Variants in SPON1 observed in about 807,000 individuals in gnomAD.
The protein encoded by SPON1 is spondin-1.
SPON1 carries 52 observed loss-of-function variants against 111.7 expected under a neutral mutation model. The ratio of observed to expected loss-of-function variants is 0.47; its 90% CI spans 0.37 to 0.59. The LOEUF is 0.59. SPON1 is among the 20% of genes least tolerant of loss of function. SPON1 has a pLI of 0.00. For missense variants in SPON1, 957 were observed against 1,068.5 expected, an observed-to-expected ratio of 0.90 and a Z score of 1.46; for synonymous variants, 410 against 395.8, an observed-to-expected ratio of 1.04 and a Z score of -0.43.
intron 2 of SPON1, among the ~76,000 whole-genome samples, chr11:14,035,321 G>A (rs1171755666): frequency 1.1e-3 from 160 of 152,310 alleles, no homozygotes; most frequent in African/African-American, 3.6e-3. Flanking sequence ...CTTTGGACAG[G>A]TTGTTGAACC....
intron 3 of SPON1, among the ~76,000 whole-genome samples, chr11:14,050,053 G>A (rs1848697132): frequency 6.6e-6 from 1 of 152,168 alleles, no homozygotes; most frequent in Admixed American, 6.5e-5. Context: ...GCAGGACTGG[G>A]TTTCATGTAA....
At chr11:14,169,829 G>A (rs1371042991) in intron 6 of SPON1, among the ~76,000 whole-genome samples, 1 of 152,020 alleles carries the variant, frequency 6.6e-6, no homozygotes, top group Admixed American at 6.6e-5. Flanking sequence ...TATTTCTGAG[G>A]GCTCTGTTCT....
At chr11:14,051,262 T>C (rs1848705259) in intron 3 of SPON1, among the ~76,000 whole-genome samples, 1 of 152,090 alleles carries the variant, frequency 6.6e-6, no homozygotes, top group Admixed American at 6.5e-5. Flanking sequence ...GGGAGAGATG[T>C]GGTGGCTCAC....
At chr11:14,017,113 G>A (rs1440910552) in intron 2 of SPON1, among the ~76,000 whole-genome samples, 4 of 152,172 alleles carry the variant, frequency 2.6e-5, no homozygotes, top group South Asian at 2.1e-4. Flanking sequence ...CTATGTTGGT[G>A]AGAAATTTAA....
chr11:14,036,298 G>T (rs1321587753), intron 2 of SPON1, among the ~76,000 whole-genome samples: 1 of 152,216 alleles, frequency 6.6e-6, no homozygotes, highest in Non-Finnish European at 1.5e-5. Flanking sequence ...CAGTTAGAAT[G>T]ATGTTACATT....
chr11:14,068,997 C>A (rs1415486217), intron 3 of SPON1, among the ~76,000 whole-genome samples: 5 of 152,168 alleles, frequency 3.3e-5, no homozygotes, highest in Non-Finnish European at 7.3e-5. Flanking sequence ...AAAGTGTCAC[C>A]ATTGGGAGAA....
In SPON1 at chr11:14,260,598, A is replaced by G. The variant is rs1409079897; in HGVS notation, c.1842A>G (p.Pro614=). The change falls in exon 14 of 16, where the codon CCA becomes CCG. Residue 614 remains proline (P), a synonymous_variant. Coordinates refer to ENST00000576479, the MANE Select transcript of SPON1 (RefSeq NM_006108.4). The part of the protein sequence containing the change: ...KCMMPECHTI[P]CLLSPWSEWS... ...TGGTTCTTGATCTAGACACCATCCC[A>G]TGCTTGCTGTCCCCATGGTCCGAGT... is the stretch of plus-strand genomic sequence containing the variant. The G allele has an allele frequency of 2.5e-6, 4 of 1,613,480 alleles. No individual in the cohort carries two copies. Among genetic ancestry groups the G allele is most frequent in the East Asian group, 2.2e-5 (1 of 44,884 alleles).
At chr11:14,231,119 T>C in intron 6 of SPON1, among the ~76,000 whole-genome samples, 1 of 150,356 alleles carries the variant, frequency 6.7e-6, no homozygotes, top group Non-Finnish European at 1.5e-5. Context: ...AGCCGCCACT[T>C]TTTTTCTTTT....
Position 14,254,675 on chromosome 11 carries a change from G to A in SPON1, c.1038G>A (p.Val346=), listed in dbSNP as rs1849087125. The A allele has an allele frequency of 1.2e-6, 2 of 1,614,056 alleles. No homozygotes were observed. Among genetic ancestry groups the A allele is most frequent in the Non-Finnish European group, 1.7e-6 (2 of 1,179,906 alleles). The change falls in exon 8 of 16, where the codon GTG becomes GTA. Residue 346 remains valine (V), a synonymous_variant. Coordinates refer to ENST00000576479, the MANE Select transcript of SPON1 (RefSeq NM_006108.4). ...CTKECGWVQK[V]VQDLIPWDAG... ...AGGAATGTGGCTGGGTCCAGAAGGT[G>A]GTGCAAGACCTGATTCCCTGGGACG... is the stretch of plus-strand genomic sequence containing the variant.
intron 6 of SPON1, among the ~76,000 whole-genome samples, chr11:14,211,887 C>A (rs560032135): frequency 6.6e-6 from 1 of 151,512 alleles, no homozygotes; most frequent in East Asian, 1.9e-4. Context: ...TGCAGTTTGT[C>A]TAAAGCAATA....
rs1354152662 is a variant in SPON1 at position 14,147,016 on chromosome 11, CCTTTT to C, written c.825+11449_825+11453del. Among the ~76,000 whole-genome samples the C allele has an allele frequency of 8.1e-5, 10 of 123,236 alleles. No homozygotes were observed. In the East Asian group the frequency reaches 2.3e-3, roughly 28 times the overall value. The allele number at this position is 123,236 out of a possible 152,430, so 80.8% of individuals were successfully genotyped here. ...AACGTTAGAAGAAAACATGAAAGAA[CCTTTT>C]TTTTTTTTTTTTTTTTTTTTTTTTT... is the stretch of plus-strand genomic sequence containing the variant. On this transcript the variant is annotated intron_variant, in intron 6 of 15. Coordinates refer to ENST00000576479, the MANE Select transcript of SPON1 (RefSeq NM_006108.4).
At chr11:14,008,837 T>G (rs1848383439) in intron 2 of SPON1, among the ~76,000 whole-genome samples, 1 of 152,132 alleles carries the variant, frequency 6.6e-6, no homozygotes, top group Admixed American at 6.5e-5. Context: ...CTTCAGGAAT[T>G]TTCCTTCTTA....
At chr11:14,117,721 T>C (rs1849277110) in intron 5 of SPON1, among the ~76,000 whole-genome samples, 1 of 152,196 alleles carries the variant, frequency 6.6e-6, no homozygotes, top group Non-Finnish European at 1.5e-5. Context: ...TAAATAGACT[T>C]TGCTTCTATT....
intron 1 of SPON1, among the ~76,000 whole-genome samples, chr11:13,975,099 A>G (rs1255743946): frequency 6.6e-6 from 1 of 152,120 alleles, no homozygotes; most frequent in Non-Finnish European, 1.5e-5. Flanking sequence ...CTCCTCTGCA[A>G]CCCCAGAACA....
intron 6 of SPON1, among the ~76,000 whole-genome samples, chr11:14,243,103 C>A (rs1848946814): frequency 6.6e-6 from 1 of 152,218 alleles, no homozygotes; most frequent in Admixed American, 6.5e-5. Context: ...AAAGGTGTGA[C>A]TCAGTGGCCC....
intron 6 of SPON1, among the ~76,000 whole-genome samples, chr11:14,157,241 A>C (rs1847858722): frequency 6.6e-6 from 1 of 152,138 alleles, no homozygotes. Context: ...TAGAATTTGC[A>C]GGCAAAGAAT....
At chr11:14,243,256 G>C (rs782814936) in intron 6 of SPON1, 76 bp from the exon 7 acceptor site, 86 of 1,363,110 alleles carry the variant, frequency 6.3e-5, no homozygotes, top group Non-Finnish European at 8.2e-5. Context: ...GGGGTGAATG[G>C]TGTCACCAGG....
intron 6 of SPON1, among the ~76,000 whole-genome samples, chr11:14,203,301 A>G (rs1441153639): frequency 6.6e-6 from 1 of 152,090 alleles, no homozygotes; most frequent in African/African-American, 2.4e-5. Context: ...CTAGCAAGCT[A>G]TTTTCTTTGG....
rs538447519 is a variant in SPON1 at position 14,004,170 on chromosome 11, TACAC to T, written c.345+21228_345+21231del. ...ACACACACAGACACACACACACACA[TACAC>T]ACACACACACGTGTACATGTTCTTT... On this transcript the variant is annotated intron_variant, in intron 2 of 15. Transcript: ENST00000576479. Among the ~76,000 whole-genome samples, 24 of 151,080 alleles carry T rather than the reference TACAC, an allele frequency of 1.6e-4. 1 individual carries two copies. In the South Asian group the frequency reaches 4.6e-3, roughly 29 times the overall value.
Sources: allele counts gnomAD v4.1 joint callset (sites outside exome capture counted in the v4.1 genomes callset), GRCh38; gene constraint gnomAD v4.1.1; transcripts MANE v1.5; gene names NCBI Gene and HGNC (gene_info 2026-07-23, HGNC 2026-07-21).